The following CIRSR variants were observed in gnomAD, a reference collection of about 807,000 sequenced individuals.
The protein encoded by CIRSR is corepressor of RBPJ and splicing regulator.
the CIRSR span, among the ~76,000 whole-genome samples, chr2:174,359,667 G>C: frequency 5.3e-5 from 8 of 152,264 alleles, no homozygotes; most frequent in East Asian, 1.9e-4. Flanking sequence ...CCTCAAGGAT[G>C]TAGAACTAGA....
At chr2:174,358,372 G>GT in the CIRSR span, 1 of 152,852 alleles carries the variant, frequency 6.5e-6, no homozygotes. Context: ...CCCAGCAGCT[G>GT]TGATTACAGG....
the CIRSR span, among the ~76,000 whole-genome samples, chr2:174,354,003 T>C: frequency 1.3e-5 from 2 of 152,146 alleles, no homozygotes; most frequent in Non-Finnish European, 2.9e-5. Flanking sequence ...TGAGAGGTTA[T>C]ACTAATTTCA....
chr2:174,386,789 C>T, the CIRSR span, among the ~76,000 whole-genome samples: 5 of 152,182 alleles, frequency 3.3e-5, no homozygotes, highest in Admixed American at 1.3e-4. Context: ...CTTCTGTTAA[C>T]CTAAATGGAA....
the CIRSR span, chr2:174,380,187 A>G: frequency 4.5e-6 from 7 of 1,563,268 alleles, no homozygotes; most frequent in Non-Finnish European, 5.2e-6. Flanking sequence ...ACAGAGTAAA[A>G]TATGTGTCAC....
the CIRSR span, among the ~76,000 whole-genome samples, chr2:174,374,533 TC>T: frequency 6.6e-6 from 1 of 151,150 alleles, no homozygotes. Context: ...TACAATTATT[TC>T]AAAAAGTAAG....
chr2:174,349,951 G>A, the CIRSR span, among the ~76,000 whole-genome samples: 5 of 152,104 alleles, frequency 3.3e-5, no homozygotes, highest in African/African-American at 1.2e-4. Flanking sequence ...GAAATTCTGA[G>A]TAAGAGTACA....
At chr2:174,380,819 A>G in the CIRSR span, 1 of 1,590,262 alleles carries the variant, frequency 6.3e-7, no homozygotes, top group Non-Finnish European at 8.6e-7. Flanking sequence ...TGTTTTCTTG[A>G]TTGCATATCA....
the CIRSR span, among the ~76,000 whole-genome samples, chr2:174,366,283 T>G: frequency 6.6e-6 from 1 of 152,138 alleles, no homozygotes; most frequent in African/African-American, 2.4e-5. Context: ...AAGAAATATT[T>G]GAAATAACAA....
chr2:174,365,876 G>A, the CIRSR span, among the ~76,000 whole-genome samples: 6 of 152,114 alleles, frequency 3.9e-5, no homozygotes, highest in African/African-American at 1.2e-4. Flanking sequence ...AGAAAAGCAA[G>A]CATCAGAACC....
chr2:174,370,363 TA>T, the CIRSR span, among the ~76,000 whole-genome samples: 1 of 152,202 alleles, frequency 6.6e-6, no homozygotes, highest in African/African-American at 2.4e-5. Flanking sequence ...AGTGACTGTT[TA>T]GTGTTACCTG....
the CIRSR span, chr2:174,350,707 A>G: frequency 6.2e-7 from 1 of 1,610,108 alleles, no homozygotes; most frequent in Non-Finnish European, 8.5e-7. Flanking sequence ...TTAAAAATTC[A>G]ACTTCTGGAT....
the CIRSR span, among the ~76,000 whole-genome samples, chr2:174,357,334 A>G: frequency 6.6e-6 from 1 of 152,284 alleles, no homozygotes; most frequent in East Asian, 1.9e-4. Context: ...GGGGGAATAT[A>G]TGGCAAGTTT....
the CIRSR span, among the ~76,000 whole-genome samples, chr2:174,391,892 A>C: frequency 1.3e-5 from 2 of 152,254 alleles, no homozygotes; most frequent in Non-Finnish European, 2.9e-5. Flanking sequence ...TTCCATTTAA[A>C]TGAATTTCCA....
chr2:174,367,494 C>T, the CIRSR span, among the ~76,000 whole-genome samples: 8 of 152,024 alleles, frequency 5.3e-5, no homozygotes, highest in African/African-American at 9.7e-5. Context: ...GCAGGAGAAT[C>T]GTTTGAACCC....
At chr2:174,359,535 G>A in the CIRSR span, among the ~76,000 whole-genome samples, 11 of 152,126 alleles carry the variant, frequency 7.2e-5, no homozygotes, top group East Asian at 2.1e-3. Flanking sequence ...AGTTAGAATG[G>A]CGATCATTAA....
chr2:174,373,820 C>T, the CIRSR span, among the ~76,000 whole-genome samples: 7 of 49,032 alleles, frequency 1.4e-4, no homozygotes, highest in Admixed American at 2.2e-3. Context: ...TTCCTCAATA[C>T]TATCCCCCTG....
the CIRSR span, among the ~76,000 whole-genome samples, chr2:174,389,534 G>A: frequency 6.6e-6 from 1 of 152,148 alleles, no homozygotes; most frequent in African/African-American, 2.4e-5. Flanking sequence ...TAAAATTCTG[G>A]AAATTCTGCA....
chr2:174,370,697 G>A, the CIRSR span, among the ~76,000 whole-genome samples: 1 of 152,138 alleles, frequency 6.6e-6, no homozygotes, highest in Non-Finnish European at 1.5e-5. Flanking sequence ...GGCGGATCAC[G>A]AGGTCAGGAG....
At chr2:174,372,636 G>A in the CIRSR span, among the ~76,000 whole-genome samples, 3 of 152,080 alleles carry the variant, frequency 2.0e-5, no homozygotes, top group Non-Finnish European at 2.9e-5. Flanking sequence ...AGGCTGGAGT[G>A]CAGTGGCACA....
Sources: allele counts gnomAD v4.1 joint callset (sites outside exome capture counted in the v4.1 genomes callset), GRCh38; gene constraint gnomAD v4.1.1; transcripts MANE v1.5; gene names NCBI Gene and HGNC (gene_info 2026-07-23, HGNC 2026-07-21).